The following HELLS variants were observed in gnomAD, a reference collection of about 807,000 sequenced individuals.
HELLS encodes lymphoid-specific helicase.
Under a neutral mutation model 120.0 loss-of-function variants are expected in HELLS, and 32 were observed. That is an observed-to-expected ratio of 0.27 (90% CI 0.20 to 0.36). HELLS has a LOEUF of 0.36. Among genes scored for constraint, HELLS ranks in the 10% least tolerant of loss-of-function variants. The pLI is 1.00. For synonymous variants in HELLS, 341 were observed against 323.4 expected (o/e 1.05, Z -0.58); for missense variants, 650 against 993.4 (o/e 0.65, Z 4.65).
intron 21 of HELLS, among the ~76,000 whole-genome samples, chr10:94,600,300 A>AG (rs918745685): frequency 9.2e-5 from 14 of 151,896 alleles, no homozygotes; most frequent in African/African-American, 3.4e-4. Flanking sequence ...CTTAAAAAAA[A>AG]AAAAAAAAAT....
At chr10:94,608,581 AAG>A (rs1846154422) in intron 9 of HELLS, among the ~76,000 whole-genome samples, 1 of 152,198 alleles carries the variant, frequency 6.6e-6, no homozygotes, top group Non-Finnish European at 1.5e-5. Context: ...TCATTTTAAA[AAG>A]AAATGTTATT....
Position 94,549,279 on chromosome 10 carries a change from A to G in HELLS, c.153+2781A>G, listed in dbSNP as rs144411606. On this transcript the variant is annotated intron_variant, in intron 2 of 21. Coordinates refer to ENST00000348459, the MANE Select transcript of HELLS (RefSeq NM_018063.5). ...GATTCCTTTTCTTTTGGGAGAATAC[A>G]GTCTGTATGGGCATGTATTTAGAAG... Among the ~76,000 whole-genome samples, 231 of 152,318 alleles carry G rather than the reference A, an allele frequency of 1.5e-3. 1 individual carries two copies. Among genetic ancestry groups the G allele is most frequent in the African/African-American group, 5.0e-3 (206 of 41,568 alleles).
chr10:94,562,817 AG>A lies in HELLS; in HGVS notation c.378del (p.Arg129GlufsTer54). 6.4e-7 allele frequency: 1 copy of A among 1,564,080 alleles called. No homozygotes were observed. Among genetic ancestry groups the A allele is most frequent in the Non-Finnish European group, 8.7e-7 (1 of 1,144,124 alleles). On this transcript the variant is annotated frameshift_variant, in exon 6 of 22. Coordinates refer to ENST00000348459, the MANE Select transcript of HELLS (RefSeq NM_018063.5). LOFTEE classifies it high-confidence loss of function. ...IDASEEKPVM[R>X]KKRGREDESY... ...AATAAAATTTTTTTTTATAGTTATGAGGAAAAAAAGAGGAAGAGAAGATGAA... is the reference window on the plus strand; with the variant it reads ...AATAAAATTTTTTTTTATAGTTATGAGAAAAAAAGAGGAAGAGAAGATGAA...
At chr10:94,591,018 G>A (rs1845463790) in intron 15 of HELLS, among the ~76,000 whole-genome samples, 1 of 151,996 alleles carries the variant, frequency 6.6e-6, no homozygotes, top group African/African-American at 2.4e-5. Flanking sequence ...ATTTTTTATA[G>A]AGACAGGGTC....
At chr10:94,593,276 G>T (rs529511099) in intron 17 of HELLS, among the ~76,000 whole-genome samples, 6 of 152,182 alleles carry the variant, frequency 3.9e-5, no homozygotes, top group African/African-American at 1.4e-4. Flanking sequence ...ACATTGTTGT[G>T]ATACATGGTT....
intron 3 of HELLS, among the ~76,000 whole-genome samples, chr10:94,556,801 G>A (rs1385619009): frequency 6.6e-6 from 1 of 152,000 alleles, no homozygotes; most frequent in Non-Finnish European, 1.5e-5. Flanking sequence ...ATTTCTTGGA[G>A]TACTTTAAAG....
At chr10:94,561,008 A>T (rs935177824) in intron 4 of HELLS, among the ~76,000 whole-genome samples, 3 of 151,686 alleles carry the variant, frequency 2.0e-5, no homozygotes, top group African/African-American at 4.8e-5. Flanking sequence ...GTGAGCTGAG[A>T]TCATGCTACT....
At chr10:94,609,420 C>T (rs995265147) in intron 9 of HELLS, among the ~76,000 whole-genome samples, 4 of 152,074 alleles carry the variant, frequency 2.6e-5, no homozygotes, top group Non-Finnish European at 5.9e-5. Context: ...TTTCATAATC[C>T]GTATTACCAT....
chr10:94,593,081 G>A lies in HELLS; in HGVS notation c.1972-418G>A, dbSNP rs142702516. Reference sequence around the variant, plus strand: ...ACTGAAGCAAATAATGTATACATTTGCTGAATCTTTCTGACAAATGCATAT... The same window carrying A: ...ACTGAAGCAAATAATGTATACATTTACTGAATCTTTCTGACAAATGCATAT... On this transcript the variant is annotated intron_variant, in intron 17 of 21. Transcript: ENST00000348459. Among the ~76,000 whole-genome samples, 61 of 152,152 alleles carry A rather than the reference G, an allele frequency of 4.0e-4. No homozygotes were observed. In the East Asian group the frequency reaches 5.0e-3, roughly 13 times the overall value.
chr10:94,592,607 TAA>T, intron 17 of HELLS, 93 bp downstream of exon 17: 1 of 864,034 alleles, frequency 1.2e-6, no homozygotes, highest in East Asian at 2.9e-5. Context: ...CACAAATTGA[TAA>T]AAAGATAGAA....
intron 3 of HELLS, among the ~76,000 whole-genome samples, chr10:94,556,771 T>C (rs770020587): frequency 1.3e-5 from 2 of 151,880 alleles, no homozygotes; most frequent in Admixed American, 6.6e-5. Context: ...GGGTAAAGAA[T>C]TTTTTTTCTT....
rs902121388 is a variant in HELLS, at chr10:94,588,452, C to CT, written c.1488+71dup. On this transcript the variant is annotated intron_variant, in intron 13 of 21. Transcript: ENST00000348459. ...GACATATAAAATTTCTCTTTTTTCC[C>CT]TTTTTTTTTGAGAGAAGGTGTCGCT... 9.0e-4 allele frequency: 1,141 copies of CT among 1,261,342 alleles called. 1 individual carries two copies. The highest frequency in any genetic ancestry group is 1.6e-3 in the South Asian group (91 of 56,940). 78.1% of individuals were successfully genotyped at this position (1,261,342 alleles called of 1,614,324 possible).
exon 10 of HELLS, chr10:94,611,148 T>G (rs906686801): frequency 3.3e-5 from 5 of 152,210 alleles, no homozygotes; most frequent in African/African-American, 1.2e-4. Context: ...ATTTCTTCGT[T>G]TTTGTACTCT....
At chr10:94,575,888 C>T (rs1253441670) in intron 9 of HELLS, among the ~76,000 whole-genome samples, 11 of 151,880 alleles carry the variant, frequency 7.2e-5, no homozygotes, top group Non-Finnish European at 1.5e-5. Flanking sequence ...ACCTCCGCCT[C>T]CCGGGTTCAA....
At chr10:94,556,602 TCTC>T (rs1403706924) in intron 3 of HELLS, among the ~76,000 whole-genome samples, 2 of 152,164 alleles carry the variant, frequency 1.3e-5, no homozygotes, top group Non-Finnish European at 2.9e-5. Context: ...TTATAATTCT[TCTC>T]GCCCGTCCCT....
chr10:94,566,114 A>C (rs1843784556), intron 6 of HELLS, among the ~76,000 whole-genome samples: 1 of 151,798 alleles, frequency 6.6e-6, no homozygotes, highest in Non-Finnish European at 1.5e-5. Context: ...GCTGGCCTCG[A>C]ATTTTTGGGC....
chr10:94,575,795 G>A (rs1467636137), intron 9 of HELLS, among the ~76,000 whole-genome samples: 2 of 150,544 alleles, frequency 1.3e-5, no homozygotes, highest in African/African-American at 4.9e-5. Flanking sequence ...GTGTGTGTGT[G>A]TGTGTGTGTG....
At position 94,601,610 on chromosome 10, in the gene HELLS, ATGTT is replaced by A; in HGVS notation, c.2511_2514del (p.Leu837PhefsTer10). The A allele has an allele frequency of 6.4e-7, 1 of 1,550,718 alleles. No homozygotes were observed. Among genetic ancestry groups the A allele is most frequent in the Non-Finnish European group, 8.8e-7 (1 of 1,131,936 alleles). On this transcript the variant is annotated frameshift_variant, in exon 22 of 22. Transcript: ENST00000348459. LOFTEE classifies it high-confidence loss of function. Reference sequence around the variant, plus strand: ...AAAATTCTGAAGATTCCAGTCCTGAATGTTTGTTTTAAAGTGGAGCTCAAGAATA... The same window carrying A: ...AAAATTCTGAAGATTCCAGTCCTGAATGTTTTAAAGTGGAGCTCAAGAATA...
chr10:94,578,039 C>T (rs1306076641), intron 10 of HELLS, among the ~76,000 whole-genome samples: 3 of 142,182 alleles, frequency 2.1e-5, no homozygotes, highest in Non-Finnish European at 4.5e-5. Context: ...GTCCGCAGTC[C>T]GGCCTGGGCC....
Sources: allele counts gnomAD v4.1 joint callset (sites outside exome capture counted in the v4.1 genomes callset), GRCh38; gene constraint gnomAD v4.1.1; transcripts MANE v1.5; gene names NCBI Gene and HGNC (gene_info 2026-07-23, HGNC 2026-07-21).